NDNF: variants seen among roughly 807,000 people sequenced by gnomAD.
NDNF encodes protein NDNF.
NDNF carries 16 observed loss-of-function variants against 42.0 expected under a neutral mutation model. The ratio of observed to expected loss-of-function variants is 0.38; its 90% confidence interval spans 0.26 to 0.58. The LOEUF (loss-of-function observed/expected upper bound fraction) is 0.58. Among genes scored for constraint, NDNF ranks in the 20% least tolerant of loss-of-function variants. The probability of loss-of-function intolerance (pLI) is 0.67; values close to 1 mark genes in which losing one functional copy is unlikely to be tolerated. For missense variants in NDNF, 616 were observed against 666.2 expected (o/e 0.92, Z 0.83); for synonymous variants, 248 against 251.7 (o/e 0.99, Z 0.14).
In NDNF at chr4:121,072,297, C is replaced by G. The variant is rs1313916075; in HGVS notation, c.-306G>C. 6.6e-6 allele frequency: 1 copy of G among 151,084 alleles called. No individual in the cohort carries two copies. Among genetic ancestry groups the G allele is most frequent in the Non-Finnish European group, 1.5e-5 (1 of 67,852 alleles). 9.4% of individuals were successfully genotyped at this position (151,084 alleles called of 1,614,324 possible). On this transcript the variant is annotated 5_prime_UTR_variant, in exon 1 of 4. Coordinates refer to ENST00000379692, the MANE Select transcript of NDNF (RefSeq NM_024574.4). ...GGGCTGGGGAATCCCGGGGCAGCGCCGAGAAGCGGCGGGAGGTCCTTTTAA... is the reference window on the plus strand; with the variant it reads ...GGGCTGGGGAATCCCGGGGCAGCGCGGAGAAGCGGCGGGAGGTCCTTTTAA...
rs1373139377 is a variant in NDNF, at chr4:121,037,375, C to T, written c.596G>A (p.Ser199Asn). Residue 199 changes from serine (S) to asparagine (N), a missense_variant, in exon 4 of 4, where the codon AGC becomes AAC. Ser to Asn is a conservative substitution (Grantham distance 46). Transcript: ENST00000379692. ...RTTVTLAWKP[S>N]PTASLLKQPI... The stretch of plus-strand genomic sequence containing the variant: ...TTGTTTCAGCAAAGAGGCAGTGGGG[C>T]TTGGTTTCCAGGCCAAAGTGACCGT... The T allele has an allele frequency of 6.2e-7, 1 of 1,614,102 alleles. No homozygotes were observed. The highest frequency in any genetic ancestry group is 8.5e-7 in the Non-Finnish European group (1 of 1,180,032).
chr4:121,053,113 T>G (rs892627622), intron 1 of NDNF, among the ~76,000 whole-genome samples: 1 of 152,152 alleles, frequency 6.6e-6, no homozygotes, highest in African/African-American at 2.4e-5. Context: ...ACATGATTAT[T>G]AAGAGTTTTA....
At chr4:121,046,177 A>G (rs1002006447) in intron 1 of NDNF, among the ~76,000 whole-genome samples, 1 of 152,242 alleles carries the variant, frequency 6.6e-6, no homozygotes, top group Non-Finnish European at 1.5e-5. Context: ...CGCTATATCA[A>G]TGTCTCAAAG....
At chr4:121,061,903 A>G (rs1401859721) in intron 1 of NDNF, among the ~76,000 whole-genome samples, 6 of 152,190 alleles carry the variant, frequency 3.9e-5, no homozygotes, top group African/African-American at 7.2e-5. Context: ...TTCAAGCTCA[A>G]TTACCTCATC....
At chr4:121,046,956 C>T (rs1727105134) in intron 1 of NDNF, among the ~76,000 whole-genome samples, 1 of 152,052 alleles carries the variant, frequency 6.6e-6, no homozygotes, top group South Asian at 2.1e-4. Context: ...TTTTCCTTTA[C>T]CTCTTTGACT....
chr4:121,061,716 T>C (rs922626439), intron 1 of NDNF, among the ~76,000 whole-genome samples: 4 of 152,244 alleles, frequency 2.6e-5, no homozygotes, highest in South Asian at 2.1e-4. Context: ...GTGTATTTAT[T>C]CATTTATTCA....
chr4:121,036,710 G>A lies in NDNF; in HGVS notation c.1261C>T (p.Leu421=). The change falls in exon 4 of 4, where the codon CTG becomes TTG. Residue 421 remains leucine (L), a synonymous_variant. Transcript: ENST00000379692. The part of the protein sequence containing the change: ...GKPKAKYLVR[L]KGNKKGASML... ...GATGCTCCTTTCTTGTTTCCTTTCAGTCGAACGAGGTATTTAGCTTTAGGT... is the reference window on the plus strand; with the variant it reads ...GATGCTCCTTTCTTGTTTCCTTTCAATCGAACGAGGTATTTAGCTTTAGGT... 2 of 1,614,112 alleles carry A rather than the reference G, an allele frequency of 1.2e-6. No homozygotes were observed. Among genetic ancestry groups the A allele is most frequent in the Non-Finnish European group, 1.7e-6 (2 of 1,180,018 alleles).
At chr4:121,059,688 G>A (rs962645993) in intron 1 of NDNF, among the ~76,000 whole-genome samples, 3 of 152,200 alleles carry the variant, frequency 2.0e-5, no homozygotes, top group African/African-American at 7.2e-5. Context: ...GGTTTGGTTA[G>A]GATCTATTCT....
At chr4:121,045,863 T>G in intron 1 of NDNF, 25 bp from the exon 2 acceptor site, 1 of 1,603,536 alleles carries the variant, frequency 6.2e-7, no homozygotes, top group Non-Finnish European at 8.5e-7. Flanking sequence ...ATGACTACTT[T>G]ATTAGTTCTG....
At chr4:121,066,983 G>A (rs1443924050) in intron 1 of NDNF, among the ~76,000 whole-genome samples, 1 of 152,206 alleles carries the variant, frequency 6.6e-6, no homozygotes, top group Non-Finnish European at 1.5e-5. Context: ...CACTATTTGT[G>A]ATATTAGCTG....
chr4:121,053,603 T>C (rs937542835), intron 1 of NDNF, among the ~76,000 whole-genome samples: 2 of 152,168 alleles, frequency 1.3e-5, no homozygotes, highest in African/African-American at 4.8e-5. Flanking sequence ...GATGGATGGT[T>C]AGAAGATATG....
chr4:121,053,384 T>C (rs1001616671), intron 1 of NDNF, among the ~76,000 whole-genome samples: 6 of 152,314 alleles, frequency 3.9e-5, no homozygotes, highest in African/African-American at 1.4e-4. Flanking sequence ...ATTTAAAAGA[T>C]GGCCAAGCCT....
At chr4:121,048,643 G>A (rs1727134901) in intron 1 of NDNF, among the ~76,000 whole-genome samples, 1 of 152,274 alleles carries the variant, frequency 6.6e-6, no homozygotes, top group Middle Eastern at 3.4e-3. Context: ...TTTGAGACCA[G>A]CCTGGCCAAC....
At chr4:121,044,451 G>C (rs923800562) in intron 2 of NDNF, among the ~76,000 whole-genome samples, 2 of 151,748 alleles carry the variant, frequency 1.3e-5, no homozygotes, top group East Asian at 3.9e-4. Context: ...AGAAGAGTTT[G>C]AGCACTACAA....
chr4:121,055,702 T>TA (rs1004528721), intron 1 of NDNF, among the ~76,000 whole-genome samples: 1 of 151,980 alleles, frequency 6.6e-6, no homozygotes, highest in Non-Finnish European at 1.5e-5. Flanking sequence ...GAAGTGTGGC[T>TA]AAAAAAATAA....
rs1234039301 is a variant in NDNF at position 121,036,061 on chromosome 4, A to ACTAG, written c.*199_*202dup. ...TGACACCAACCGGCATCAGACACAC[A>ACTAG]CTAGGTACCATGGGGCACGCTAGAA... On this transcript the variant is annotated 3_prime_UTR_variant, in exon 4 of 4. Transcript: ENST00000379692. 1 of 526,712 alleles carries ACTAG rather than the reference A, an allele frequency of 1.9e-6. No homozygotes were observed. The highest frequency in any genetic ancestry group is 3.1e-5 in the East Asian group (1 of 32,476). 32.6% of individuals were successfully genotyped at this position (526,712 alleles called of 1,614,324 possible).
Position 121,051,476 on chromosome 4 carries a change from T to C in NDNF, c.-1-5638A>G, listed in dbSNP as rs983652759. Among the ~76,000 whole-genome samples the C allele has an allele frequency of 2.0e-5, 3 of 152,300 alleles. No homozygotes were observed. In the East Asian group the frequency reaches 5.8e-4, roughly 29 times the overall value. Reference sequence around the variant, plus strand: ...AACCTGTGGAAATGCTTGTAAATTATAAAATGGTCAATGGTAAGCAAAGTA... The same window carrying C: ...AACCTGTGGAAATGCTTGTAAATTACAAAATGGTCAATGGTAAGCAAAGTA... On this transcript the variant is annotated intron_variant, in intron 1 of 3. Transcript: ENST00000379692.
intron 1 of NDNF, among the ~76,000 whole-genome samples, chr4:121,058,876 G>A (rs934110499): frequency 1.3e-5 from 2 of 151,464 alleles, no homozygotes; most frequent in African/African-American, 4.9e-5. Flanking sequence ...TTCACTCTTC[G>A]AAAAAATTAA....
chr4:121,050,484 G>C (rs1361449762), intron 1 of NDNF, among the ~76,000 whole-genome samples: 1 of 152,152 alleles, frequency 6.6e-6, no homozygotes, highest in Admixed American at 6.5e-5. Flanking sequence ...GATGATGTAG[G>C]AAATGTGTTT....
Sources: gnomAD v4.1 joint callset for allele counts (sites outside exome capture counted in the v4.1 genomes callset) on GRCh38, gnomAD v4.1.1 for gene constraint, MANE v1.5 for transcripts, NCBI Gene and HGNC (gene_info 2026-07-23, HGNC 2026-07-21) for gene names.